Variants in PDE9A observed in about 807,000 individuals in gnomAD.
PDE9A encodes the protein phosphodiesterase 9A.
PDE9A carries 60 observed loss-of-function variants against 87.4 expected under a neutral mutation model. The ratio of observed to expected loss-of-function variants is 0.69; its 90% CI spans 0.56 to 0.85. The LOEUF (loss-of-function observed/expected upper bound fraction) is 0.85. PDE9A is among the 40% of genes least tolerant of loss of function. The probability of loss-of-function intolerance (pLI) is 0.00; values close to 1 mark genes in which losing one functional copy is unlikely to be tolerated. For synonymous variants in PDE9A, 272 were observed against 279.4 expected, an observed-to-expected ratio of 0.97 and a Z score of 0.27; for missense variants, 665 against 779.0, an observed-to-expected ratio of 0.85 and a Z score of 1.74.
intron 4 of PDE9A, among the ~76,000 whole-genome samples, chr21:42,727,816 C>T (rs932530033): frequency 1.3e-5 from 2 of 152,122 alleles, no homozygotes; most frequent in Admixed American, 6.6e-5. Flanking sequence ...TCTATGTAGA[C>T]AACATGTCAT....
At chr21:42,731,592 G>A (rs2051755757) in intron 4 of PDE9A, among the ~76,000 whole-genome samples, 178 bp from the exon 5 acceptor site, 1 of 152,194 alleles carries the variant, frequency 6.6e-6, no homozygotes, top group African/African-American at 2.4e-5. Context: ...AACAAAGGGA[G>A]CAACCGGCTG....
chr21:42,759,089 A>G lies in PDE9A; in HGVS notation c.897+4A>G. 1 of 1,609,894 alleles carries G rather than the reference A, an allele frequency of 6.2e-7. No homozygotes were observed. The highest frequency in any genetic ancestry group is 8.5e-7 in the Non-Finnish European group (1 of 1,176,202). On this transcript the variant is annotated splice_donor_region_variant and intron_variant, in intron 11 of 19. Transcript: ENST00000291539. This position sits in a 1 kb window ranked among gnomAD's most constrained non-coding sequence, Gnocchi z 7.2. ...TGTCACCCTCAGGAGGTGGCTGGTG[A>G]GTGCCAAACCCGCCTTCGGTTCTTC...
chr21:42,726,555 T>C (rs1343269100), intron 4 of PDE9A, among the ~76,000 whole-genome samples: 1 of 143,030 alleles, frequency 7.0e-6, no homozygotes, highest in African/African-American at 2.6e-5. Context: ...ACTGAAACAC[T>C]ATTTCCAACA....
rs2060208046 is a variant in PDE9A at position 42,697,496 on chromosome 21, T to C, written c.219-1472T>C. 6.4e-6 allele frequency: 10 copies of C among 1,568,556 alleles called. No homozygotes were observed. The South Asian group carries it at 6.7e-5, about 10-fold the overall frequency. On this transcript the variant is annotated intron_variant, in intron 3 of 19. Transcript: ENST00000291539. ...AGTCATGGGCGTCCCACCAGGTGAA[T>C]ACTTGCATGTTTGTCTTCATCTTCT...
Position 42,722,904 on chromosome 21 carries a change from A to C in PDE9A, c.263-8866A>C, listed in dbSNP as rs2050669636. 6.6e-6 allele frequency among the ~76,000 whole-genome samples: 1 copy of C among 152,240 alleles called. No homozygotes were observed. Among genetic ancestry groups the C allele is most frequent in the East Asian group, 1.9e-4 (1 of 5,208 alleles). On this transcript the variant is annotated intron_variant, in intron 4 of 19. Transcript: ENST00000291539. This position sits in a 1 kb window ranked among gnomAD's most constrained non-coding sequence, Gnocchi z 4.1. Reference sequence around the variant, plus strand: ...CTCAGGATTTGCCTGAAACAAGTAAACAATTCCTGGAAGAAGTGGGCGAGG... The same window carrying C: ...CTCAGGATTTGCCTGAAACAAGTAACCAATTCCTGGAAGAAGTGGGCGAGG...
chr21:42,770,658 C>A, intron 17 of PDE9A, 45 bp from the exon 18 acceptor site: 1 of 1,476,712 alleles, frequency 6.8e-7, no homozygotes, highest in Non-Finnish European at 9.5e-7. Context: ...TTTCCCATTG[C>A]CTTAAGAACG....
Position 42,660,361 on chromosome 21 carries a change from G to A in PDE9A, c.69+6478G>A, listed in dbSNP as rs751254310. Among the ~76,000 whole-genome samples, 8 of 152,174 alleles carry A rather than the reference G, an allele frequency of 5.3e-5. No individual in the cohort carries two copies. The highest frequency in any genetic ancestry group is 2.1e-4 in the South Asian group (1 of 4,830). ...GAGCAGGTGCGGGGCCTGCAGGGAC[G>A]GCTCGCAGAGAAGGCAGTTTGCGAG... On this transcript the variant is annotated intron_variant, in intron 1 of 19. Transcript: ENST00000291539. The surrounding 1 kb of genome is among the most constrained non-coding windows in gnomAD (Gnocchi z 4.7).
chr21:42,746,451 C>T (rs1487251676), intron 8 of PDE9A, among the ~76,000 whole-genome samples: 1 of 152,182 alleles, frequency 6.6e-6, no homozygotes, highest in Non-Finnish European at 1.5e-5. Flanking sequence ...CTGGTGGCTG[C>T]CGGCGGCATT....
chr21:42,705,419 G>A lies in PDE9A; in HGVS notation c.262+6408G>A, dbSNP rs147307584. 1.4e-4 allele frequency among the ~76,000 whole-genome samples: 21 copies of A among 152,232 alleles called. No homozygotes were observed. Among genetic ancestry groups the A allele is most frequent in the Middle Eastern group, 6.8e-3 (2 of 294 alleles). Reference sequence around the variant, plus strand: ...CAGATCTCAGCTGATGGCGGTTGACGGGTGTCCCCCGAGTGCCCTCGGCTG... The same window carrying A: ...CAGATCTCAGCTGATGGCGGTTGACAGGTGTCCCCCGAGTGCCCTCGGCTG... On this transcript the variant is annotated intron_variant, in intron 4 of 19. Transcript: ENST00000291539. This position sits in a 1 kb window ranked among gnomAD's most constrained non-coding sequence, Gnocchi z 4.3.
chr21:42,710,445 C>A (rs2049231867), intron 4 of PDE9A, among the ~76,000 whole-genome samples: 1 of 151,758 alleles, frequency 6.6e-6, no homozygotes, highest in Non-Finnish European at 1.5e-5. Context: ...AAGAAACTGC[C>A]AAGCTGTTCT....
chr21:42,743,018 GGGCT>G (rs2053481094), intron 7 of PDE9A, among the ~76,000 whole-genome samples: 1 of 152,194 alleles, frequency 6.6e-6, no homozygotes, highest in Non-Finnish European at 1.5e-5. Flanking sequence ...CTTTGGGAAA[GGGCT>G]GTTACAGTCT....
chr21:42,700,654 A>G (rs2048313950), intron 4 of PDE9A: 1 of 152,196 alleles, frequency 6.6e-6, no homozygotes, highest in African/African-American at 2.4e-5. Flanking sequence ...GCCCACCCAA[A>G]CACAGGAGAG....
intron 17 of PDE9A, among the ~76,000 whole-genome samples, chr21:42,769,410 ACACACAGGCACACACTCGTG>A (rs2056733806): frequency 2.0e-5 from 1 of 48,972 alleles, no homozygotes; most frequent in South Asian, 8.8e-4. Context: ...CACACACGGC[ACACACAGGCACACACTCGTG>A]CACACACATG....
intron 1 of PDE9A, among the ~76,000 whole-genome samples, chr21:42,683,726 C>A (rs959132985): frequency 6.6e-6 from 1 of 152,180 alleles, no homozygotes; most frequent in African/African-American, 2.4e-5. Context: ...CCTCCCCTCG[C>A]CTTTTGAGGT....
intron 9 of PDE9A, among the ~76,000 whole-genome samples, chr21:42,752,904 A>G (rs2051403): frequency 0.37 from 55,974 of 152,130 alleles, 10,749 homozygotes; most frequent in South Asian, 0.55. Context: ...CTCGGCAGAA[A>G]CCAGGAATGG....
intron 3 of PDE9A, among the ~76,000 whole-genome samples, chr21:42,697,659 C>G (rs2060218139): frequency 6.6e-6 from 1 of 152,204 alleles, no homozygotes; most frequent in African/African-American, 2.4e-5. Flanking sequence ...CTCTTCCTGG[C>G]TTGCATACAG....
intron 1 of PDE9A, among the ~76,000 whole-genome samples, chr21:42,664,395 T>A (rs2057817653): frequency 6.6e-6 from 1 of 151,976 alleles, no homozygotes; most frequent in African/African-American, 2.4e-5. Flanking sequence ...CTGCATTGAG[T>A]AGGAGCCCAG....
chr21:42,674,998 C>G (rs2058766510), intron 1 of PDE9A, among the ~76,000 whole-genome samples: 1 of 152,170 alleles, frequency 6.6e-6, no homozygotes, highest in African/African-American at 2.4e-5. Context: ...AAATGCAGAA[C>G]AGTATCAGGG....
chr21:42,732,672 T>C (rs1384147529), intron 6 of PDE9A, among the ~76,000 whole-genome samples: 1 of 152,086 alleles, frequency 6.6e-6, no homozygotes, highest in Non-Finnish European at 1.5e-5. Flanking sequence ...CCCAGCACTT[T>C]GGGAGGCGGA....
Sources: gnomAD v4.1 joint callset for allele counts (sites outside exome capture counted in the v4.1 genomes callset) on GRCh38, gnomAD v4.1.1 for gene constraint, Gnocchi (gnomAD v3.1) non-coding constraint, MANE v1.5 for transcripts, NCBI Gene and HGNC (gene_info 2026-07-23, HGNC 2026-07-21) for gene names.